UTP25: variants seen among roughly 807,000 people sequenced by gnomAD.
UTP25 encodes UTP25 small subunit processome component.
A neutral mutation model predicts 78.9 loss-of-function variants in UTP25; 50 were observed. That is an observed-to-expected ratio of 0.63 (90% confidence interval 0.50 to 0.80). The LOEUF (loss-of-function observed/expected upper bound fraction) is 0.80, where lower values mean the gene tolerates loss of function less well. Among genes scored for constraint, UTP25 ranks in the 30% least tolerant of loss-of-function variants. The pLI, the probability that UTP25 is intolerant of heterozygous loss-of-function variation, is 0.00. For missense variants in UTP25, 846 were observed against 911.3 expected (o/e 0.93, Z 0.92); for synonymous variants, 329 against 336.5 (o/e 0.98, Z 0.24).
chr1:209,848,707 T>G (rs565867011), intron 11 of UTP25, among the ~76,000 whole-genome samples: 6 of 152,218 alleles, frequency 3.9e-5, no homozygotes, highest in Non-Finnish European at 8.8e-5. Flanking sequence ...CATTCACCTA[T>G]TTCTCCAAAG....
In UTP25 at chr1:209,837,072, A is replaced by G. The variant is rs751475535; in HGVS notation, c.923A>G (p.His308Arg). 1.9e-5 allele frequency: 30 copies of G among 1,614,156 alleles called. No homozygotes were observed. In the South Asian group the frequency reaches 2.9e-4, roughly 15 times the overall value. ...CTGAAGAACGGGGAAGAGATCCGCC[A>G]TGTGTATTGCCTGCATGTGATAAAT... ...TALKNGEEIRHVYCLHVINHI... is the reference protein window; with the variant it reads ...TALKNGEEIRRVYCLHVINHI... The change falls in exon 6 of 12, where the codon CAT becomes CGT. Residue 308 changes from histidine to arginine, a missense_variant. Transcript: ENST00000491415.
rs1412338395 is a variant in UTP25 at position 209,834,413 on chromosome 1, CAT to C, written c.563-661_563-660del. Among the ~76,000 whole-genome samples, 9 of 152,294 alleles carry C rather than the reference CAT, an allele frequency of 5.9e-5. No homozygotes were observed. In the East Asian group the frequency reaches 1.7e-3, roughly 29 times the overall value. ...AGATTACTTGGAGTGCAGATGCTATCATGTGGATCATTTGTTCAATTCAGTGG... is the reference window on the plus strand; with the variant it reads ...AGATTACTTGGAGTGCAGATGCTATCGTGGATCATTTGTTCAATTCAGTGG... On this transcript the variant is annotated intron_variant, in intron 4 of 11. Coordinates refer to ENST00000491415, the MANE Select transcript of UTP25 (RefSeq NM_014388.7).
intron 2 of UTP25, 34 bp from the exon 3 acceptor site, chr1:209,830,769 G>A (rs752389944): frequency 6.2e-7 from 1 of 1,604,474 alleles, no homozygotes; most frequent in Non-Finnish European, 8.5e-7. Flanking sequence ...GAACAATATA[G>A]TTTTTGTTCT....
At chr1:209,835,362 T>C (rs555545946) in intron 5 of UTP25, among the ~76,000 whole-genome samples, 199 bp downstream of exon 5, 211 of 152,236 alleles carry the variant, frequency 1.4e-3, no homozygotes, top group African/African-American at 4.7e-3. Flanking sequence ...AGCTGGAGTG[T>C]GGGTGCCAGA....
Position 209,830,104 on chromosome 1 carries a change from T to C in UTP25, c.108-4T>C, listed in dbSNP as rs190931386. 6.8e-6 allele frequency: 11 copies of C among 1,612,216 alleles called. No individual in the cohort carries two copies. The highest frequency in any genetic ancestry group is 6.7e-5 in the Admixed American group (4 of 59,872). On this transcript the variant is annotated splice_region_variant and splice_polypyrimidine_tract_variant and intron_variant, in intron 1 of 11. Transcript: ENST00000491415. ...AGAATGTAACATTGCCTGTTTCTTT[T>C]TAGGGTTTCCAGAAAGGAAGCAAAG...
chr1:209,854,014 T>G lies in UTP25; in HGVS notation c.*2567T>G, dbSNP rs79564740. The G allele has an allele frequency of 6.6e-6, 1 of 151,936 alleles. No homozygotes were observed. The highest frequency in any genetic ancestry group is 1.5e-5 in the Non-Finnish European group (1 of 67,992). The allele number at this position is 151,936 out of a possible 1,614,324, so 9.4% of individuals were successfully genotyped here. A position where few individuals can be genotyped will look rare whatever the true frequency, so the allele number is the denominator to read the frequency against. ...CCTGGCTCCTTAGTGCATTGCAGAG[T>G]GGAGTCTCTGCAATGGTTTTATTAA... On this transcript the variant is annotated 3_prime_UTR_variant, in exon 12 of 12. Transcript: ENST00000491415.
At chr1:209,832,472 A>C (rs1280765050) in intron 3 of UTP25, among the ~76,000 whole-genome samples, 1 of 152,184 alleles carries the variant, frequency 6.6e-6, no homozygotes, top group East Asian at 1.9e-4. Flanking sequence ...GCTGCTTTGA[A>C]CATCCTCTCA....
chr1:209,838,479 T>A (rs1480788785), intron 6 of UTP25, among the ~76,000 whole-genome samples: 1 of 152,162 alleles, frequency 6.6e-6, no homozygotes, highest in African/African-American at 2.4e-5. Context: ...TCTCTACTTG[T>A]TCCATTTATT....
At chr1:209,830,669 A>C in intron 2 of UTP25, 134 bp from the exon 3 acceptor site, 1 of 1,402,742 alleles carries the variant, frequency 7.1e-7, no homozygotes, top group East Asian at 2.5e-5. Context: ...AGCTTCTAGA[A>C]TCATAGCTAG....
chr1:209,843,929 G>A (rs2078181532), intron 11 of UTP25: 1 of 554,880 alleles, frequency 1.8e-6, no homozygotes, highest in Non-Finnish European at 3.2e-6. Flanking sequence ...AGCATACCCT[G>A]TCTATAGACC....
chr1:209,837,435 A>G (rs2078140035), intron 6 of UTP25, among the ~76,000 whole-genome samples: 1 of 152,204 alleles, frequency 6.6e-6, no homozygotes, highest in Admixed American at 6.5e-5. Context: ...TGCGAGAAGG[A>G]GGCACTTCAT....
chr1:209,847,805 G>T (rs2078207308), intron 11 of UTP25, among the ~76,000 whole-genome samples: 1 of 152,196 alleles, frequency 6.6e-6, no homozygotes, highest in Non-Finnish European at 1.5e-5. Context: ...GTTCCAGTGG[G>T]TTGAGACCAG....
chr1:209,836,355 C>T (rs564331323), intron 5 of UTP25, among the ~76,000 whole-genome samples: 1 of 152,314 alleles, frequency 6.6e-6, no homozygotes, highest in African/African-American at 2.4e-5. Context: ...GATTTCTTGT[C>T]ATAGAACTTG....
rs7546104 is a variant in UTP25, at chr1:209,854,620, G to A, written c.*3173G>A. ...GCTGAAGGAGGAAAGGGAAAGGCAG[G>A]TGGGGCCAGACCCTATTGGCCATCT... is the stretch of plus-strand genomic sequence containing the variant. On this transcript the variant is annotated 3_prime_UTR_variant, in exon 12 of 12. Coordinates refer to ENST00000491415, the MANE Select transcript of UTP25 (RefSeq NM_014388.7). 20,383 of 152,358 alleles carry A rather than the reference G, an allele frequency of 0.13. 1,735 individuals are homozygous for A. The highest frequency in any genetic ancestry group is 0.18 in the Non-Finnish European group (11,922 of 68,110). 9.4% of individuals were successfully genotyped at this position (152,358 alleles called of 1,614,324 possible).
rs184123463 is a variant in UTP25 at position 209,839,275 on chromosome 1, A to G, written c.1282+147A>G. 4.8e-4 allele frequency: 390 copies of G among 806,260 alleles called. 2 individuals are homozygous for G. The highest frequency in any genetic ancestry group is 5.0e-5 in the Non-Finnish European group (26 of 516,226). The allele number at this position is 806,260 out of a possible 1,614,324, so 49.9% of individuals were successfully genotyped here. The stretch of plus-strand genomic sequence containing the variant: ...GTGCCTTTGAGACATGTTGTTTGCC[A>G]TGGGAGAGTCTTGCCTTGGCTAATG... On this transcript the variant is annotated intron_variant, in intron 7 of 11. Transcript: ENST00000491415.
rs1042941693 is a variant in UTP25, at chr1:209,852,774, T to C, written c.*1327T>C. The C allele has an allele frequency of 2.0e-4, 30 of 152,206 alleles. No individual in the cohort carries two copies. Among genetic ancestry groups the C allele is most frequent in the Admixed American group, 2.0e-3 (30 of 15,282 alleles). The allele number at this position is 152,206 out of a possible 1,614,324, so 9.4% of individuals were successfully genotyped here. ...AGGCTCAGTGGTCAGAACTTGGGAA[T>C]TGTGTACATGTATGCACACACATAT... On this transcript the variant is annotated 3_prime_UTR_variant, in exon 12 of 12. Transcript: ENST00000491415.
rs1400858915 is a variant in UTP25 at position 209,836,829 on chromosome 1, C to T, written c.680C>T (p.Ser227Phe). ...KWPILGQLFF[S>F]SKFQKLETFK... is the part of the protein sequence containing the mutation. ...CCTATTCTGGGCCAGCTTTTCTTTT[C>T]CTCTAAGTTTCAGAAGTTGGAAACA... The change falls in exon 6 of 12, where the codon TCC (serine) becomes TTC (phenylalanine). Residue 227 changes from serine to phenylalanine, a missense_variant. Coordinates refer to ENST00000491415, the MANE Select transcript of UTP25 (RefSeq NM_014388.7). The T allele has an allele frequency of 1.9e-6, 3 of 1,609,134 alleles. No individual in the cohort carries two copies. Among genetic ancestry groups the T allele is most frequent in the African/African-American group, 2.7e-5 (2 of 74,418 alleles).
intron 5 of UTP25, among the ~76,000 whole-genome samples, chr1:209,836,398 A>G (rs1558052741): frequency 6.6e-6 from 1 of 152,222 alleles, no homozygotes; most frequent in Non-Finnish European, 1.5e-5. Flanking sequence ...TACATTGTCA[A>G]TCTCCCTCAG....
intron 7 of UTP25, among the ~76,000 whole-genome samples, chr1:209,840,378 A>C (rs689210): frequency 0.69 from 104,298 of 152,094 alleles, 36,458 homozygotes; most frequent in Non-Finnish European, 0.75. Flanking sequence ...CAAAAGTGAG[A>C]GTTGAAGTCA....
Sources: gnomAD v4.1 joint callset for allele counts (sites outside exome capture counted in the v4.1 genomes callset) on GRCh38, gnomAD v4.1.1 for gene constraint, MANE v1.5 for transcripts, NCBI Gene and HGNC (gene_info 2026-07-23, HGNC 2026-07-21) for gene names.